The following RAB38 variants were observed in gnomAD, a reference collection of about 807,000 sequenced individuals.
RAB38 encodes RAB38, member RAS oncogene family.
Under a neutral mutation model 18.4 loss-of-function variants are expected in RAB38, and 15 were observed. The observed-to-expected ratio is 0.82, with a 90% confidence interval of 0.55 to 1.26. RAB38 has a LOEUF of 1.26. Among genes scored for constraint, RAB38 ranks in the 50% most tolerant of loss-of-function variants. The pLI, the probability that RAB38 is intolerant of heterozygous loss-of-function variation, is 0.00. For synonymous variants in RAB38, 101 were observed against 104.4 expected (o/e 0.97, Z 0.20); for missense variants, 294 against 267.4 (o/e 1.10, Z -0.69).
the RAB38 span, among the ~76,000 whole-genome samples, chr11:87,891,859 T>TAAGAC: frequency 6.6e-6 from 1 of 151,848 alleles, no homozygotes; most frequent in African/African-American, 2.4e-5. Context: ...ATGGCCTTTA[T>TAAGAC]AAGACAATAA....
At chr11:87,851,593 C>T in the RAB38 span, among the ~76,000 whole-genome samples, 24 of 152,218 alleles carry the variant, frequency 1.6e-4, no homozygotes, top group African/African-American at 4.1e-4. Context: ...TTGAACCTAA[C>T]GGCATTAAAA....
chr11:88,160,932 A>G (rs1403019545), intron 1 of RAB38, among the ~76,000 whole-genome samples: 2 of 152,120 alleles, frequency 1.3e-5, no homozygotes, highest in African/African-American at 2.4e-5. Flanking sequence ...ACATCATGCA[A>G]TATACCTACG....
chr11:88,028,633 T>C, the RAB38 span, among the ~76,000 whole-genome samples: 1 of 151,982 alleles, frequency 6.6e-6, no homozygotes, highest in Non-Finnish European at 1.5e-5. Context: ...GTATCACCGA[T>C]GGAAGATGAA....
the RAB38 span, among the ~76,000 whole-genome samples, chr11:87,923,574 T>C: frequency 1.3e-5 from 2 of 149,210 alleles, no homozygotes; most frequent in Admixed American, 6.7e-5. Context: ...TGTGTGTGTG[T>C]GCATGTGTGT....
chr11:87,862,352 C>G, the RAB38 span, among the ~76,000 whole-genome samples: 1 of 151,912 alleles, frequency 6.6e-6, no homozygotes, highest in Non-Finnish European at 1.5e-5. Flanking sequence ...AGATCATGTC[C>G]TTTGCTGGGG....
the RAB38 span, among the ~76,000 whole-genome samples, chr11:88,044,364 C>T: frequency 6.0e-3 from 913 of 152,184 alleles, 5 homozygotes; most frequent in Non-Finnish European, 8.5e-3. Flanking sequence ...CCCTTCTCTC[C>T]GTGTCTCTAC....
At chr11:88,117,654 C>T (rs1942574195) in intron 2 of RAB38, among the ~76,000 whole-genome samples, 1 of 152,194 alleles carries the variant, frequency 6.6e-6, no homozygotes, top group Non-Finnish European at 1.5e-5. Context: ...GGGGTATAGT[C>T]TTTAGAGTAC....
At chr11:88,062,708 A>G in the RAB38 span, among the ~76,000 whole-genome samples, 1 of 152,216 alleles carries the variant, frequency 6.6e-6, no homozygotes, top group Non-Finnish European at 1.5e-5. Context: ...AAGAGTCAAG[A>G]GACTTAGTTT....
the RAB38 span, among the ~76,000 whole-genome samples, chr11:87,814,030 A>G: frequency 6.6e-6 from 1 of 152,136 alleles, no homozygotes; most frequent in Non-Finnish European, 1.5e-5. Context: ...CTAAGAGTCA[A>G]TAGAAAGGCC....
chr11:87,934,490 A>G, the RAB38 span, among the ~76,000 whole-genome samples: 636 of 152,234 alleles, frequency 4.2e-3, 6 homozygotes, highest in African/African-American at 0.014. Flanking sequence ...CTAGTGGCAA[A>G]AAGTTGACCC....
At chr11:87,946,539 C>G in the RAB38 span, among the ~76,000 whole-genome samples, 2 of 152,082 alleles carry the variant, frequency 1.3e-5, no homozygotes, top group Non-Finnish European at 2.9e-5. Context: ...ATCCCTCCCC[C>G]CTCGCCCCAC....
At chr11:87,909,554 A>G in the RAB38 span, among the ~76,000 whole-genome samples, 1 of 152,076 alleles carries the variant, frequency 6.6e-6, no homozygotes, top group Non-Finnish European at 1.5e-5. Flanking sequence ...ACAAATGTGT[A>G]CATCCATAAA....
chr11:88,108,083 G>T, the RAB38 span, among the ~76,000 whole-genome samples: 1 of 152,144 alleles, frequency 6.6e-6, no homozygotes, highest in East Asian at 1.9e-4. Flanking sequence ...GTGCTAAGAA[G>T]AATGTATATA....
chr11:88,061,057 A>G, the RAB38 span, among the ~76,000 whole-genome samples: 3 of 152,222 alleles, frequency 2.0e-5, no homozygotes, highest in Non-Finnish European at 4.4e-5. Flanking sequence ...TCCCTTTGCT[A>G]ATCTGAACAA....
the RAB38 span, among the ~76,000 whole-genome samples, chr11:87,856,845 G>C: frequency 1.3e-5 from 2 of 151,994 alleles, no homozygotes; most frequent in African/African-American, 4.8e-5. Context: ...ATTGAGGCAG[G>C]TGACTTCTTT....
the RAB38 span, among the ~76,000 whole-genome samples, chr11:87,939,379 T>TACACACAC: frequency 0.065 from 9,571 of 146,284 alleles, 390 homozygotes; most frequent in Non-Finnish European, 0.1. Flanking sequence ...CACACATACA[T>TACACACAC]ACACACACAC....
At chr11:87,929,966 G>A in the RAB38 span, among the ~76,000 whole-genome samples, 2 of 152,104 alleles carry the variant, frequency 1.3e-5, no homozygotes, top group African/African-American at 4.8e-5. Context: ...GTCTATCATT[G>A]TTGGACATTT....
the RAB38 span, among the ~76,000 whole-genome samples, chr11:87,972,669 C>T: frequency 6.6e-6 from 1 of 152,046 alleles, no homozygotes; most frequent in Non-Finnish European, 1.5e-5. Flanking sequence ...CAACTTCTGT[C>T]TTTGCAACGA....
At chr11:88,107,407 T>C in the RAB38 span, among the ~76,000 whole-genome samples, 1 of 152,178 alleles carries the variant, frequency 6.6e-6, no homozygotes, top group African/African-American at 2.4e-5. Flanking sequence ...TTGCTTATAC[T>C]ACTTCTTCAA....
Sources: gnomAD v4.1 joint callset for allele counts (sites outside exome capture counted in the v4.1 genomes callset) on GRCh38, gnomAD v4.1.1 for gene constraint, MANE v1.5 for transcripts, NCBI Gene and HGNC (gene_info 2026-07-23, HGNC 2026-07-21) for gene names.